Variants in GRID2 observed in about 807,000 individuals in gnomAD.
The protein encoded by GRID2 is glutamate ionotropic receptor delta type subunit 2.
Under a neutral mutation model 114.8 loss-of-function variants are expected in GRID2, and 33 were observed. The ratio of observed to expected loss-of-function variants is 0.29; its 90% CI spans 0.22 to 0.38. The LOEUF is 0.38. GRID2 is among the 10% of genes least tolerant of loss of function. The pLI, the probability that GRID2 is intolerant of heterozygous loss-of-function variation, is 1.00. For synonymous variants in GRID2, 505 were observed against 449.9 expected (o/e 1.12, Z -1.55); for missense variants, 1,184 against 1,257.7 (o/e 0.94, Z 0.89).
intron 14 of GRID2, among the ~76,000 whole-genome samples, chr4:93,719,556 T>C (rs1729182520): frequency 1.3e-5 from 2 of 152,174 alleles, no homozygotes; most frequent in African/African-American, 2.4e-5. Flanking sequence ...CACAAGGCAG[T>C]GTTACACATT....
At chr4:93,572,805 G>C (rs1284985934) in intron 13 of GRID2, among the ~76,000 whole-genome samples, 1 of 152,096 alleles carries the variant, frequency 6.6e-6, no homozygotes, top group Non-Finnish European at 1.5e-5. Context: ...AGAATATGGA[G>C]AGAGGGGTTG....
At chr4:92,779,975 A>G (rs1738991330) in intron 2 of GRID2, among the ~76,000 whole-genome samples, 1 of 146,392 alleles carries the variant, frequency 6.8e-6, no homozygotes, top group African/African-American at 2.4e-5. Flanking sequence ...GTGATACTAA[A>G]AACATTTGGC....
At chr4:92,980,419 C>T (rs895109195) in intron 2 of GRID2, among the ~76,000 whole-genome samples, 1 of 151,850 alleles carries the variant, frequency 6.6e-6, no homozygotes, top group Non-Finnish European at 1.5e-5. Context: ...TCACATTTCA[C>T]CATTTAATAT....
At chr4:93,538,131 A>G (rs374508021) in intron 13 of GRID2, among the ~76,000 whole-genome samples, 3 of 151,932 alleles carry the variant, frequency 2.0e-5, no homozygotes, top group South Asian at 4.1e-4. Flanking sequence ...TTTAATAAAA[A>G]GTACCAGGAA....
chr4:93,604,963 T>C (rs1467256489), intron 13 of GRID2, among the ~76,000 whole-genome samples: 1 of 152,222 alleles, frequency 6.6e-6, no homozygotes, highest in Admixed American at 6.5e-5. Flanking sequence ...TTTATTGCAA[T>C]ATTTGTTTTA....
At chr4:93,027,608 T>C (rs528014324) in intron 2 of GRID2, among the ~76,000 whole-genome samples, 105 of 152,248 alleles carry the variant, frequency 6.9e-4, no homozygotes, top group Middle Eastern at 3.4e-3. Context: ...TCTTTGGAGA[T>C]GAGAGGAAGA....
chr4:93,370,726 C>G (rs1762808717), intron 8 of GRID2, among the ~76,000 whole-genome samples: 1 of 151,990 alleles, frequency 6.6e-6, no homozygotes. Context: ...CTTCATAGCT[C>G]CTTACATGTA....
intron 2 of GRID2, among the ~76,000 whole-genome samples, chr4:93,037,312 A>T (rs558054325): frequency 6.6e-6 from 1 of 152,248 alleles, no homozygotes; most frequent in South Asian, 2.1e-4. Flanking sequence ...TCTCTATTAA[A>T]GTTACACAGA....
At chr4:92,502,705 CTTTTTTTTTT>C (rs70940901) in intron 1 of GRID2, among the ~76,000 whole-genome samples, 8 of 63,938 alleles carry the variant, frequency 1.3e-4, no homozygotes, top group African/African-American at 3.8e-4. Flanking sequence ...CATGTGATTT[CTTTTTTTTTT>C]TTTTTTTTTT....
At chr4:93,185,882 G>T (rs893213831) in intron 4 of GRID2, among the ~76,000 whole-genome samples, 1 of 152,034 alleles carries the variant, frequency 6.6e-6, no homozygotes, top group Admixed American at 6.6e-5. Flanking sequence ...TTATTCTAAT[G>T]CTATCCCTCC....
chr4:93,409,284 T>C (rs1425795228), intron 9 of GRID2, among the ~76,000 whole-genome samples: 2 of 151,956 alleles, frequency 1.3e-5, no homozygotes, highest in Non-Finnish European at 2.9e-5. Flanking sequence ...GTATAGCAAC[T>C]TAAAAAAGGG....
Position 93,677,441 on chromosome 4 carries a change from C to A in GRID2, c.2360+51006C>A, listed in dbSNP as rs376973111. ...GAAGAGAGCAGTGGTTCTCCCAGCA[C>A]GCAGCTGGAGATCTGAGAACGGGCA... On this transcript the variant is annotated intron_variant, in intron 14 of 15. Coordinates refer to ENST00000282020, the MANE Select transcript of GRID2 (RefSeq NM_001510.4). 2.1e-3 allele frequency among the ~76,000 whole-genome samples: 320 copies of A among 152,288 alleles called. 1 individual carries two copies. The highest frequency in any genetic ancestry group is 0.014 in the Middle Eastern group (4 of 294).
At chr4:92,870,247 T>A (rs1304370243) in intron 2 of GRID2, among the ~76,000 whole-genome samples, 5 of 150,878 alleles carry the variant, frequency 3.3e-5, no homozygotes, top group Admixed American at 2.0e-4. Context: ...ATATATATAA[T>A]ATATTAAGTA....
chr4:92,839,576 A>G (rs112804336), intron 2 of GRID2, among the ~76,000 whole-genome samples: 3 of 151,882 alleles, frequency 2.0e-5, no homozygotes, highest in African/African-American at 7.2e-5. Flanking sequence ...TTTCTTCTTC[A>G]ATCCAGTGGT....
chr4:92,653,231 C>A (rs1247015288), intron 2 of GRID2, among the ~76,000 whole-genome samples: 5 of 150,224 alleles, frequency 3.3e-5, no homozygotes, highest in Non-Finnish European at 3.0e-5. Flanking sequence ...AACTCCTGAT[C>A]TCGTGATCCA....
intron 8 of GRID2, among the ~76,000 whole-genome samples, chr4:93,322,028 T>C (rs1319867620): frequency 7.4e-6 from 1 of 134,600 alleles, no homozygotes; most frequent in Non-Finnish European, 1.6e-5. Flanking sequence ...TGGGATATTT[T>C]TTCTTATTTC....
Position 92,621,706 on chromosome 4 carries a change from T to C in GRID2, c.244+31420T>C, listed in dbSNP as rs565748846. Among the ~76,000 whole-genome samples the C allele has an allele frequency of 3.3e-5, 5 of 151,830 alleles. No homozygotes were observed. In the South Asian group the frequency reaches 1.0e-3, roughly 31 times the overall value. ...GAGATAAGGAACCAAGTAATTAAAT[T>C]ATGGAGAGAATTTTCATTATGGTAG... On this transcript the variant is annotated intron_variant, in intron 2 of 15. Coordinates refer to ENST00000282020, the MANE Select transcript of GRID2 (RefSeq NM_001510.4).
intron 8 of GRID2, among the ~76,000 whole-genome samples, chr4:93,300,168 C>G (rs1754715412): frequency 6.6e-6 from 1 of 152,044 alleles, no homozygotes; most frequent in South Asian, 2.1e-4. Context: ...TGGTCTCAAA[C>G]TCCTGGGTTA....
intron 1 of GRID2, among the ~76,000 whole-genome samples, chr4:92,351,336 T>C (rs576025843): frequency 2.6e-5 from 4 of 151,936 alleles, no homozygotes; most frequent in African/African-American, 9.6e-5. Flanking sequence ...TCAAAAAAAC[T>C]TGATATTACA....
Sources: allele counts gnomAD v4.1 joint callset (sites outside exome capture counted in the v4.1 genomes callset), GRCh38; gene constraint gnomAD v4.1.1; transcripts MANE v1.5; gene names NCBI Gene and HGNC (gene_info 2026-07-23, HGNC 2026-07-21).